Variants in RAPGEF4 observed in about 807,000 individuals in gnomAD.
RAPGEF4 encodes the protein RAP guanine-nucleotide-exchange factor (GEF) 4.
Under a neutral mutation model 147.9 loss-of-function variants are expected in RAPGEF4, and 66 were observed. The observed-to-expected ratio is 0.45, with a 90% CI of 0.37 to 0.55. The LOEUF is 0.55. RAPGEF4 is among the 20% of genes least tolerant of loss of function. RAPGEF4 has a pLI of 0.00. For missense variants in RAPGEF4, 1,071 were observed against 1,257.3 expected (o/e 0.85, Z 2.24); for synonymous variants, 419 against 442.7 (o/e 0.95, Z 0.67).
chr2:172,856,766 G>C (rs1693459344), intron 4 of RAPGEF4, among the ~76,000 whole-genome samples: 1 of 152,116 alleles, frequency 6.6e-6, no homozygotes, highest in South Asian at 2.1e-4. Context: ...CTCTGTGGCT[G>C]TCTTCTCTCT....
chr2:172,824,074 A>G (rs13411719), intron 4 of RAPGEF4, among the ~76,000 whole-genome samples: 31,198 of 152,262 alleles, frequency 0.2, 3,708 homozygotes, highest in Middle Eastern at 0.31. Context: ...GAGAGCCACA[A>G]ATTCTGTGAA....
At chr2:173,006,670 C>T (rs1694513382) in intron 17 of RAPGEF4, among the ~76,000 whole-genome samples, 2 of 152,152 alleles carry the variant, frequency 1.3e-5, no homozygotes, top group Non-Finnish European at 2.9e-5. Flanking sequence ...GAGATGTTCT[C>T]TTTATAAGTT....
intron 1 of RAPGEF4, among the ~76,000 whole-genome samples, chr2:172,740,977 AATT>A (rs1694245925): frequency 6.6e-6 from 1 of 152,226 alleles, no homozygotes; most frequent in Non-Finnish European, 1.5e-5. Context: ...TGGGAAATCC[AATT>A]ATTCTCAGAA....
intron 26 of RAPGEF4, 100 bp from the exon 27 acceptor site, chr2:173,033,814 G>C: frequency 9.3e-7 from 1 of 1,075,772 alleles, no homozygotes; most frequent in South Asian, 1.4e-5. Context: ...GTTTGATTAA[G>C]AGCCAATGGA....
intron 6 of RAPGEF4, chr2:172,928,389 C>A (rs188041987): frequency 2.9e-6 from 1 of 344,464 alleles, no homozygotes; most frequent in Non-Finnish European, 5.7e-6. Flanking sequence ...AGTTGTCATC[C>A]ATCTAAATGG....
intron 15 of RAPGEF4, among the ~76,000 whole-genome samples, chr2:172,995,522 C>T (rs910478609): frequency 7.2e-5 from 11 of 152,068 alleles, no homozygotes; most frequent in Admixed American, 1.3e-4. Flanking sequence ...TCAGGCAATC[C>T]GCCCGCCTCG....
Position 173,026,686 on chromosome 2 carries a change from T to G in RAPGEF4, c.2368T>G (p.Cys790Gly). 1 of 1,613,946 alleles carries G rather than the reference T, an allele frequency of 6.2e-7. No individual in the cohort carries two copies. Among genetic ancestry groups the G allele is most frequent in the Non-Finnish European group, 8.5e-7 (1 of 1,179,966 alleles). Residue 790 changes from cysteine to glycine, a missense_variant, in exon 24 of 31, where the codon TGC becomes GGC. Cys to Gly is a radical substitution (Grantham distance 159). Coordinates refer to ENST00000397081, the MANE Select transcript of RAPGEF4 (RefSeq NM_007023.4). Reference protein sequence around the residue: ...MTIYDWELFNCVHELELIYHT... With the variant: ...MTIYDWELFNGVHELELIYHT... ...AATTTATGATTGGGAACTCTTCAAC[T>G]GCGTGCATGAGGTAAGATGCAGGAT...
intron 1 of RAPGEF4, among the ~76,000 whole-genome samples, chr2:172,792,834 T>TC (rs1685959653): frequency 1.3e-5 from 2 of 152,222 alleles, no homozygotes; most frequent in Non-Finnish European, 2.9e-5. Flanking sequence ...GCTCTGATAA[T>TC]GTACCTGCCA....
chr2:172,782,655 A>C (rs1684792968), intron 1 of RAPGEF4, among the ~76,000 whole-genome samples: 1 of 152,338 alleles, frequency 6.6e-6, no homozygotes, highest in Non-Finnish European at 1.5e-5. Context: ...TACACAGAGG[A>C]AAAAAAGCCA....
At chr2:172,828,300 A>G (rs141573078) in intron 4 of RAPGEF4, among the ~76,000 whole-genome samples, 1 of 152,288 alleles carries the variant, frequency 6.6e-6, no homozygotes, top group East Asian at 1.9e-4. Flanking sequence ...GAAATGTGAC[A>G]GACAGGAAGA....
chr2:172,785,674 G>T (rs990103521), intron 1 of RAPGEF4, among the ~76,000 whole-genome samples: 2 of 152,144 alleles, frequency 1.3e-5, no homozygotes, highest in Non-Finnish European at 2.9e-5. Flanking sequence ...TGAGGTAGTT[G>T]AGCATTATAT....
At chr2:172,807,176 AGCATCCT>A (rs1183714130) in intron 3 of RAPGEF4, among the ~76,000 whole-genome samples, 17 of 152,206 alleles carry the variant, frequency 1.1e-4, no homozygotes, top group Non-Finnish European at 1.0e-4. Flanking sequence ...GAGTTTATTG[AGCATCCT>A]GCATCCTGCA....
chr2:172,933,871 A>G (rs1340010690), intron 6 of RAPGEF4, among the ~76,000 whole-genome samples: 1 of 152,210 alleles, frequency 6.6e-6, no homozygotes, highest in African/African-American at 2.4e-5. Context: ...TAATTTAATG[A>G]ATAGGTAGAG....
chr2:172,979,147 TATTAATA>T (rs1476108899), intron 10 of RAPGEF4, among the ~76,000 whole-genome samples: 2 of 152,252 alleles, frequency 1.3e-5, no homozygotes, highest in African/African-American at 4.8e-5. Flanking sequence ...CTCCTCCCTC[TATTAATA>T]ATTAACTATT....
At chr2:172,903,519 C>G (rs1699306412) in intron 4 of RAPGEF4, among the ~76,000 whole-genome samples, 1 of 143,396 alleles carries the variant, frequency 7.0e-6, no homozygotes, top group Non-Finnish European at 1.5e-5. Context: ...GCCTGGGCGA[C>G]AAGAGTGAAA....
chr2:172,796,251 A>G (rs1459703135), intron 2 of RAPGEF4, among the ~76,000 whole-genome samples: 1 of 152,172 alleles, frequency 6.6e-6, no homozygotes, highest in Admixed American at 6.5e-5. Context: ...TAGAAAATTT[A>G]GAAGGTCAAC....
At chr2:172,897,573 A>AT (rs536415396) in intron 4 of RAPGEF4, among the ~76,000 whole-genome samples, 11 of 150,066 alleles carry the variant, frequency 7.3e-5, no homozygotes, top group South Asian at 6.4e-4. Flanking sequence ...TAATTTTTTA[A>AT]TTTTTTTTTG....
chr2:172,990,916 C>T lies in RAPGEF4; in HGVS notation c.1481C>T (p.Pro494Leu), dbSNP rs866445762. The T allele has an allele frequency of 1.9e-6, 3 of 1,611,710 alleles. No individual in the cohort carries two copies. Among genetic ancestry groups the T allele is most frequent in the Non-Finnish European group, 2.5e-6 (3 of 1,178,030 alleles). The change falls in exon 15 of 31, where the codon CCT (proline) becomes CTT (leucine). Residue 494 changes from proline to leucine, a missense_variant. Coordinates refer to ENST00000397081, the MANE Select transcript of RAPGEF4 (RefSeq NM_007023.4). ...NRASNQGNSQPQQKYTVMSGT... is the reference protein window; with the variant it reads ...NRASNQGNSQLQQKYTVMSGT... ...GCTTCTAATCAAGGAAACTCACAGC[C>T]TCAGCAAAAGTATGTTTGCATCCAA...
intron 6 of RAPGEF4, among the ~76,000 whole-genome samples, chr2:172,951,248 A>G (rs184356683): frequency 6.6e-6 from 1 of 152,358 alleles, no homozygotes; most frequent in Admixed American, 6.5e-5. Context: ...TGCAGTGGAA[A>G]CACCCAATCA....
Sources: allele counts gnomAD v4.1 joint callset (sites outside exome capture counted in the v4.1 genomes callset), GRCh38; gene constraint gnomAD v4.1.1; transcripts MANE v1.5; gene names NCBI Gene and HGNC (gene_info 2026-07-23, HGNC 2026-07-21).